ARHGAP12: variants seen among roughly 807,000 people sequenced by gnomAD.
The protein encoded by ARHGAP12 is Rho GTPase activating protein 12, also known as rho GTPase-activating protein 12.
In ARHGAP12, 64 loss-of-function variants were observed where a neutral mutation model predicts 108.6. That is an observed-to-expected ratio of 0.59 (90% CI 0.48 to 0.73). The LOEUF is 0.73. ARHGAP12 is among the 30% of genes least tolerant of loss of function. The pLI is 0.00. For missense variants in ARHGAP12, 940 were observed against 1,005.9 expected, an observed-to-expected ratio of 0.93 and a Z score of 0.89; for synonymous variants, 312 against 337.2, an observed-to-expected ratio of 0.93 and a Z score of 0.82.
chr10:31,906,069 C>T (rs1010452185), intron 3 of ARHGAP12, among the ~76,000 whole-genome samples: 6 of 152,104 alleles, frequency 3.9e-5, no homozygotes, highest in Non-Finnish European at 8.8e-5. Flanking sequence ...GTGTCTACCA[C>T]GTTCTCTCTG....
rs531702530 is a variant in ARHGAP12, at chr10:31,926,581, G to C, written c.-111+2102C>G. Among the ~76,000 whole-genome samples the C allele has an allele frequency of 3.3e-5, 5 of 152,300 alleles. No individual in the cohort carries two copies. In the East Asian group the frequency reaches 7.7e-4, roughly 23 times the overall value. On this transcript the variant is annotated intron_variant, in intron 1 of 19. Coordinates refer to ENST00000344936, the MANE Select transcript of ARHGAP12 (RefSeq NM_018287.7). ...CTGTGATGCCCATTTTCTCAGGTAAGTAAAATATTAGTACTACTGTTTAAT... is the reference window on the plus strand; with the variant it reads ...CTGTGATGCCCATTTTCTCAGGTAACTAAAATATTAGTACTACTGTTTAAT...
At chr10:31,850,721 G>A (rs1051530508) in intron 6 of ARHGAP12, among the ~76,000 whole-genome samples, 6 of 152,028 alleles carry the variant, frequency 3.9e-5, no homozygotes, top group African/African-American at 1.4e-4. Context: ...AAAATAAAAT[G>A]GTTATTTAAC....
At chr10:31,851,529 C>T (rs1182584060) in intron 6 of ARHGAP12, among the ~76,000 whole-genome samples, 1 of 152,174 alleles carries the variant, frequency 6.6e-6, no homozygotes, top group African/African-American at 2.4e-5. Flanking sequence ...GAGCTCTCTT[C>T]TGCTACTTGG....
intron 3 of ARHGAP12, among the ~76,000 whole-genome samples, chr10:31,874,972 TC>T (rs1197223324): frequency 1.0e-3 from 21 of 20,950 alleles, no homozygotes; most frequent in South Asian, 5.7e-3. Context: ...AGACTCTGTC[TC>T]AAAAAAAAAA....
intron 3 of ARHGAP12, among the ~76,000 whole-genome samples, chr10:31,901,213 CAAA>C (rs59882437): frequency 2.5e-5 from 3 of 118,380 alleles, no homozygotes; most frequent in African/African-American, 3.1e-5. Flanking sequence ...GAATCCGTCT[CAAA>C]AAAAAAAAAA....
intron 1 of ARHGAP12, among the ~76,000 whole-genome samples, chr10:31,916,241 C>A (rs1839550907): frequency 6.6e-6 from 1 of 152,162 alleles, no homozygotes; most frequent in African/African-American, 2.4e-5. Flanking sequence ...CTGCTACACC[C>A]CGATGCTGCT....
intron 3 of ARHGAP12, among the ~76,000 whole-genome samples, chr10:31,889,603 TTTC>T (rs1838330259): frequency 6.6e-6 from 1 of 151,428 alleles, no homozygotes; most frequent in South Asian, 2.1e-4. Context: ...TTGATTTTCT[TTTC>T]TTAATTTTTC....
At chr10:31,847,665 T>C (rs921444813) in intron 6 of ARHGAP12, among the ~76,000 whole-genome samples, 3 of 152,110 alleles carry the variant, frequency 2.0e-5, no homozygotes, top group Non-Finnish European at 4.4e-5. Flanking sequence ...GCCTTGTTGC[T>C]GTTGTCCATT....
At chr10:31,851,791 GACTT>G (rs1836690891) in intron 6 of ARHGAP12, among the ~76,000 whole-genome samples, 1 of 151,942 alleles carries the variant, frequency 6.6e-6, no homozygotes, top group Non-Finnish European at 1.5e-5. Flanking sequence ...TCTTTAAATT[GACTT>G]ACTTTGGGGA....
At chr10:31,808,800 T>C (rs1309535250) in intron 18 of ARHGAP12, 49 bp from the exon 19 acceptor site, 36 of 1,575,838 alleles carry the variant, frequency 2.3e-5, no homozygotes, top group Non-Finnish European at 3.1e-5. Context: ...CTTATGAAAC[T>C]GAAAGCAATG....
rs185950733 is a variant in ARHGAP12 at position 31,871,110 on chromosome 10, A to G, written c.685-9452T>C. Among the ~76,000 whole-genome samples, 4 of 152,328 alleles carry G rather than the reference A, an allele frequency of 2.6e-5. No homozygotes were observed. In the East Asian group the frequency reaches 7.7e-4, roughly 29 times the overall value. On this transcript the variant is annotated intron_variant, in intron 3 of 19. Coordinates refer to ENST00000344936, the MANE Select transcript of ARHGAP12 (RefSeq NM_018287.7). ...AGGAGGTGAGACACAGCATGCAGAA[A>G]AAGTTTCACAACAGATGTTTAACAT... is the stretch of plus-strand genomic sequence containing the variant.
At chr10:31,820,310 T>C in intron 12 of ARHGAP12, 77 bp downstream of exon 12, 1 of 1,195,964 alleles carries the variant, frequency 8.4e-7, no homozygotes, top group Non-Finnish European at 1.2e-6. Context: ...AAAGACTATT[T>C]CCCAAAATAG....
At chr10:31,885,781 T>G (rs1838166630) in intron 3 of ARHGAP12, among the ~76,000 whole-genome samples, 1 of 149,760 alleles carries the variant, frequency 6.7e-6, no homozygotes, top group African/African-American at 2.5e-5. Context: ...ATCCCGCTCC[T>G]GCACTCCAAC....
At chr10:31,926,185 C>T (rs1215956786) in intron 1 of ARHGAP12, among the ~76,000 whole-genome samples, 3 of 152,152 alleles carry the variant, frequency 2.0e-5, no homozygotes, top group Non-Finnish European at 2.9e-5. Flanking sequence ...GAGACTACAC[C>T]ATTTGGCAGT....
At chr10:31,914,646 C>G (rs1366101060) in intron 1 of ARHGAP12, among the ~76,000 whole-genome samples, 1 of 152,238 alleles carries the variant, frequency 6.6e-6, no homozygotes, top group East Asian at 1.9e-4. Flanking sequence ...AAAATATAAG[C>G]TGGCGAGAAT....
intron 7 of ARHGAP12, among the ~76,000 whole-genome samples, chr10:31,841,178 T>C (rs1836250374): frequency 6.6e-6 from 1 of 152,144 alleles, no homozygotes; most frequent in Non-Finnish European, 1.5e-5. Context: ...TTTATCTATA[T>C]TTAGATATAT....
chr10:31,870,252 G>A lies in ARHGAP12; in HGVS notation c.685-8594C>T, dbSNP rs1171535118. 2.2e-5 allele frequency among the ~76,000 whole-genome samples: 3 copies of A among 137,136 alleles called. No homozygotes were observed. In the East Asian group the frequency reaches 6.4e-4, roughly 29 times the overall value. 90.0% of individuals were successfully genotyped at this position (137,136 alleles called of 152,430 possible). A position where few individuals can be genotyped will look rare whatever the true frequency, so the allele number is the denominator to read the frequency against. ...TGTCTTTTTTTTTTTTTTTTGAGAT[G>A]GAATCTCGCTCTCATTGCCCAGGCT... On this transcript the variant is annotated intron_variant, in intron 3 of 19. Coordinates refer to ENST00000344936, the MANE Select transcript of ARHGAP12 (RefSeq NM_018287.7).
chr10:31,867,735 GAC>G (rs1837380438), intron 3 of ARHGAP12, among the ~76,000 whole-genome samples: 1 of 151,912 alleles, frequency 6.6e-6, no homozygotes, highest in South Asian at 2.1e-4. Context: ...AATTCCTAAA[GAC>G]ACAAAAATCC....
At chr10:31,822,572 T>A (rs1311197857) in intron 11 of ARHGAP12, among the ~76,000 whole-genome samples, 1 of 152,220 alleles carries the variant, frequency 6.6e-6, no homozygotes, top group Non-Finnish European at 1.5e-5. Context: ...TATGTTTCAT[T>A]TTTAAGATGA....
Sources: allele counts gnomAD v4.1 joint callset (sites outside exome capture counted in the v4.1 genomes callset), GRCh38; gene constraint gnomAD v4.1.1; transcripts MANE v1.5; gene names NCBI Gene and HGNC (gene_info 2026-07-23, HGNC 2026-07-21).